MTMR14: variants seen among roughly 807,000 people sequenced by gnomAD.
MTMR14 encodes phosphatidylinositol-3,5-bisphosphate 3-phosphatase MTMR14.
A neutral mutation model predicts 86.3 loss-of-function variants in MTMR14; 48 were observed. The observed-to-expected ratio is 0.56, with a 90% CI of 0.44 to 0.71. The LOEUF (loss-of-function observed/expected upper bound fraction) is 0.71, where lower values mean the gene tolerates loss of function less well. Among genes scored for constraint, MTMR14 ranks in the 30% least tolerant of loss-of-function variants. The probability of loss-of-function intolerance (pLI) is 0.00; values close to 1 mark genes in which losing one functional copy is unlikely to be tolerated. For synonymous variants in MTMR14, 366 were observed against 326.1 expected, an observed-to-expected ratio of 1.12 and a Z score of -1.32; for missense variants, 780 against 834.6, an observed-to-expected ratio of 0.93 and a Z score of 0.81.
chr3:9,662,807 A>G (rs1028104851), intron 3 of MTMR14, among the ~76,000 whole-genome samples: 2 of 152,238 alleles, frequency 1.3e-5, no homozygotes, highest in African/African-American at 4.8e-5. Flanking sequence ...ACACTGCTTC[A>G]GGCCTTAAAA....
chr3:9,659,832 C>G, intron 2 of MTMR14: 1 of 456,736 alleles, frequency 2.2e-6, no homozygotes. Context: ...ATTAAAAGAT[C>G]CTCCCTAGAG....
At chr3:9,662,411 C>G in intron 3 of MTMR14, 36 bp downstream of exon 3, 2 of 1,561,094 alleles carry the variant, frequency 1.3e-6, no homozygotes, top group Non-Finnish European at 1.8e-6. Context: ...CTCCACGACT[C>G]TCTTCTGGGG....
rs111463506 is a variant in MTMR14 at position 9,678,306 on chromosome 3, G to A, written c.897+248G>A. On this transcript the variant is annotated intron_variant, in intron 9 of 18. Coordinates refer to ENST00000296003, the MANE Select transcript of MTMR14 (RefSeq NM_001077525.3). ...CTCATTCAAAGATTTGCATCCACCA[G>A]GGGGTTCTGTTTCCAGAGGACCTCA... 2.0e-3 allele frequency among the ~76,000 whole-genome samples: 307 copies of A among 152,320 alleles called. 2 individuals carry two copies. Among genetic ancestry groups the A allele is most frequent in the Middle Eastern group, 6.8e-3 (2 of 294 alleles).
At chr3:9,689,901 G>A (rs532799832) in intron 16 of MTMR14, 63 bp from the exon 17 acceptor site, 1 of 1,505,566 alleles carries the variant, frequency 6.6e-7, no homozygotes, top group African/African-American at 1.4e-5. Flanking sequence ...AATTCAGTGA[G>A]GGTGGGCAGA....
At position 9,668,712 on chromosome 3, in the gene MTMR14, C is replaced by T. The variant is rs772878106; in HGVS notation, c.418-7C>T. 3 of 1,614,152 alleles carry T rather than the reference C, an allele frequency of 1.9e-6. No homozygotes were observed. The highest frequency in any genetic ancestry group is 2.2e-5 in the East Asian group (1 of 44,890). On this transcript the variant is annotated splice_region_variant and splice_polypyrimidine_tract_variant and intron_variant, in intron 3 of 18. Transcript: ENST00000296003. ...ATCTGACCGTGAAAATGATGTTTCT[C>T]TCCCAGCACATTTGCAGGTCGGCCA...
intron 2 of MTMR14, among the ~76,000 whole-genome samples, chr3:9,655,999 A>G (rs1310856346): frequency 6.6e-6 from 1 of 151,972 alleles, no homozygotes; most frequent in Non-Finnish European, 1.5e-5. Flanking sequence ...GATTGAGACC[A>G]TCCTGGCCAA....
chr3:9,700,302 C>T (rs1456611476), intron 18 of MTMR14: 2 of 152,238 alleles, frequency 1.3e-5, no homozygotes, highest in African/African-American at 4.8e-5. Context: ...CATGGATGGT[C>T]TTAGTATTTA....
rs2076168607 is a variant in MTMR14, at chr3:9,692,567, T to C, written c.1613+2424T>C. Among the ~76,000 whole-genome samples the C allele has an allele frequency of 2.6e-5, 4 of 152,250 alleles. No individual in the cohort carries two copies. In the South Asian group the frequency reaches 8.3e-4, roughly 32 times the overall value. ...CCCCCAGCTCTGGTTAGCAGGTCGC[T>C]CCACCTTGCATGGCCTCGGCCTCGG... On this transcript the variant is annotated intron_variant, in intron 17 of 18. Transcript: ENST00000296003.
Position 9,677,931 on chromosome 3 carries a change from TA to T in MTMR14, c.823-51del. 6.4e-7 allele frequency: 1 copy of T among 1,565,528 alleles called. No individual in the cohort carries two copies. The highest frequency in any genetic ancestry group is 8.8e-7 in the Non-Finnish European group (1 of 1,138,526). On this transcript the variant is annotated intron_variant, in intron 8 of 18. Transcript: ENST00000296003. The surrounding 1 kb of genome is among the most constrained non-coding windows in gnomAD (Gnocchi z 4.2). ...CAGGACTGCAAGCTTCCCCATCACC[TA>T]AGCCTCCTCTGGTGGCCAACCCACA...
chr3:9,659,194 C>T (rs1574942684), intron 2 of MTMR14, among the ~76,000 whole-genome samples: 1 of 152,126 alleles, frequency 6.6e-6, no homozygotes, highest in East Asian at 1.9e-4. Context: ...GGCGCCACTG[C>T]ACTGCAGCCT....
In MTMR14 at chr3:9,689,048, C is replaced by G. The variant is rs1272303604; in HGVS notation, c.1399C>G (p.Leu467Val). ...TGSFTYEAVE[L>V]VPAGAPTQAA... ...GAGCTTCACCTATGAGGCCGTGGAG[C>G]TGGTCCCAGCAGGAGCGCCAACTCA... Residue 467 changes from leucine (L) to valine (V), a missense_variant, in exon 16 of 19, where the codon CTG becomes GTG. Leu to Val is a conservative substitution (Grantham distance 32). Transcript: ENST00000296003. 1.2e-6 allele frequency: 2 copies of G among 1,613,398 alleles called. No homozygotes were observed. Among genetic ancestry groups the G allele is most frequent in the East Asian group, 4.5e-5 (2 of 44,878 alleles).
At chr3:9,698,370 C>T (rs1180955976) in intron 18 of MTMR14, among the ~76,000 whole-genome samples, 1 of 152,260 alleles carries the variant, frequency 6.6e-6, no homozygotes, top group African/African-American at 2.4e-5. Context: ...AGATCCCACA[C>T]CTACAAAACC....
rs1432061682 is a variant in MTMR14, at chr3:9,666,169, C to G, written c.418-2550C>G. The stretch of plus-strand genomic sequence containing the variant: ...TTTTTTTTTTGAGACAGTCTCTCTC[C>G]GTTGCCCAAGCTGGAGTGCAGTGGT... On this transcript the variant is annotated intron_variant, in intron 3 of 18. Transcript: ENST00000296003. 2.1e-5 allele frequency among the ~76,000 whole-genome samples: 3 copies of G among 141,932 alleles called. No homozygotes were observed. In the East Asian group the frequency reaches 6.2e-4, roughly 29 times the overall value. 93.1% of individuals were successfully genotyped at this position (141,932 alleles called of 152,430 possible).
In MTMR14 at chr3:9,697,727, C is replaced by T; in HGVS notation, c.1630C>T (p.Leu544=). The T allele has an allele frequency of 6.2e-7, 1 of 1,614,124 alleles. No homozygotes were observed. The highest frequency in any genetic ancestry group is 8.5e-7 in the Non-Finnish European group (1 of 1,180,014). The change falls in exon 18 of 19, where the codon CTG becomes TTG. Residue 544 remains leucine (L), a synonymous_variant. Transcript: ENST00000296003. ...CTGCCCCAGATCAGTGGACCATCCC[C>T]TGCCCGGATCCTCTCTCTCCACAGA... The part of the protein sequence containing the change: ...VPKPRSVDHP[L]PGSSLSTDYG...
At chr3:9,687,416 A>G (rs1575057153) in intron 13 of MTMR14, among the ~76,000 whole-genome samples, 2 of 152,072 alleles carry the variant, frequency 1.3e-5, no homozygotes, top group Non-Finnish European at 2.9e-5. Flanking sequence ...TGAGCTGGGC[A>G]TGGTGGCGGG....
At chr3:9,651,161 G>A (rs752126183) in intron 1 of MTMR14, among the ~76,000 whole-genome samples, 4 of 152,076 alleles carry the variant, frequency 2.6e-5, no homozygotes, top group Non-Finnish European at 5.9e-5. Flanking sequence ...GATTGCAGTG[G>A]TGCAACCATG....
At chr3:9,676,886 C>T (rs1436631394) in intron 7 of MTMR14, among the ~76,000 whole-genome samples, 1 of 152,218 alleles carries the variant, frequency 6.6e-6, no homozygotes, top group Non-Finnish European at 1.5e-5. Context: ...GCAAGGCTAG[C>T]ATTATTTGCC....
chr3:9,689,849 C>T lies in MTMR14; in HGVS notation c.1434-115C>T, dbSNP rs1354527560. 9 of 1,060,428 alleles carry T rather than the reference C, an allele frequency of 8.5e-6. No homozygotes were observed. The South Asian group carries it at 1.0e-4, about 12-fold the overall frequency. 65.7% of individuals were successfully genotyped at this position (1,060,428 alleles called of 1,614,324 possible). A position where few individuals can be genotyped will look rare whatever the true frequency, so the allele number is the denominator to read the frequency against. On this transcript the variant is annotated intron_variant, in intron 16 of 18. Transcript: ENST00000296003. ...TGGAGAGAGTGCTAATGTTTGCCAACTCATGTGATGTTTTCCCAGTGGAAG... is the reference window on the plus strand; with the variant it reads ...TGGAGAGAGTGCTAATGTTTGCCAATTCATGTGATGTTTTCCCAGTGGAAG...
At chr3:9,663,754 C>G (rs1455363016) in intron 3 of MTMR14, among the ~76,000 whole-genome samples, 7 of 151,278 alleles carry the variant, frequency 4.6e-5, no homozygotes. Context: ...ACCTTGTGAT[C>G]CTCCTGCCTC....
Sources: gnomAD v4.1 joint callset for allele counts (sites outside exome capture counted in the v4.1 genomes callset) on GRCh38, gnomAD v4.1.1 for gene constraint, Gnocchi (gnomAD v3.1) non-coding constraint, MANE v1.5 for transcripts, NCBI Gene and HGNC (gene_info 2026-07-23, HGNC 2026-07-21) for gene names.